ATXN2: variants seen among roughly 807,000 people sequenced by gnomAD.
The protein encoded by ATXN2 is ataxin 2.
Under a neutral mutation model 138.6 loss-of-function variants are expected in ATXN2, and 37 were observed. That is an observed-to-expected ratio of 0.27 (90% CI 0.21 to 0.35). The LOEUF (loss-of-function observed/expected upper bound fraction) is 0.35. Among genes scored for constraint, ATXN2 ranks in the 10% least tolerant of loss-of-function variants. The pLI, the probability that ATXN2 is intolerant of heterozygous loss-of-function variation, is 1.00. For missense variants in ATXN2, 1,216 were observed against 1,480.3 expected (o/e 0.82, Z 2.93); for synonymous variants, 549 against 543.7 (o/e 1.01, Z -0.13).
At chr12:111,571,782 C>T (rs1883328212) in intron 1 of ATXN2, among the ~76,000 whole-genome samples, 1 of 151,992 alleles carries the variant, frequency 6.6e-6, no homozygotes, top group Non-Finnish European at 1.5e-5. Flanking sequence ...CTTTGGGAGG[C>T]AGAGGTGGGC....
At chr12:111,509,748 G>T (rs1879392252) in intron 13 of ATXN2, 129 bp from the exon 14 acceptor site, 1 of 953,760 alleles carries the variant, frequency 1.0e-6, no homozygotes, top group Non-Finnish European at 1.6e-6. Context: ...ATTAAATTTG[G>T]ATTTTGGAAT....
intron 1 of ATXN2, chr12:111,581,505 C>A: frequency 1.9e-6 from 2 of 1,029,516 alleles, no homozygotes; most frequent in Non-Finnish European, 3.1e-6. Context: ...CCCCCAATGT[C>A]CACCGTGATC....
chr12:111,547,686 T>C (rs1221498943), intron 5 of ATXN2, among the ~76,000 whole-genome samples: 5 of 141,616 alleles, frequency 3.5e-5, no homozygotes, highest in South Asian at 2.2e-4. Context: ...GATTGCACCA[T>C]TGCACTCCAG....
intron 14 of ATXN2, among the ~76,000 whole-genome samples, chr12:111,490,409 G>A (rs960652414): frequency 2.6e-5 from 4 of 152,058 alleles, no homozygotes; most frequent in African/African-American, 9.7e-5. Context: ...GGACCGTCAT[G>A]GAGGCTGGAC....
intron 10 of ATXN2, among the ~76,000 whole-genome samples, chr12:111,514,880 T>C (rs1456286059): frequency 6.6e-6 from 1 of 152,214 alleles, no homozygotes; most frequent in African/African-American, 2.4e-5. Flanking sequence ...CATCTCTGAA[T>C]GACACAGAAA....
chr12:111,539,445 TAAAG>T (rs1419011644), intron 5 of ATXN2, among the ~76,000 whole-genome samples: 1 of 149,950 alleles, frequency 6.7e-6, no homozygotes, highest in Non-Finnish European at 1.5e-5. Flanking sequence ...GCTCAGAAGT[TAAAG>T]AGAAAGAAAA....
chr12:111,594,015 T>C (rs1197373565), intron 1 of ATXN2, among the ~76,000 whole-genome samples: 1 of 152,216 alleles, frequency 6.6e-6, no homozygotes, highest in African/African-American at 2.4e-5. Context: ...CCATTTAAAA[T>C]TGTAACTCAT....
chr12:111,510,091 A>G (rs1879413628), intron 12 of ATXN2, 93 bp from the exon 13 acceptor site: 2 of 951,082 alleles, frequency 2.1e-6, no homozygotes, highest in Non-Finnish European at 3.1e-6. Flanking sequence ...ATGTTTTTGG[A>G]AAATAATGCT....
intron 1 of ATXN2, among the ~76,000 whole-genome samples, chr12:111,561,731 G>A (rs1387292558): frequency 6.6e-6 from 1 of 152,092 alleles, no homozygotes; most frequent in Admixed American, 6.5e-5. Flanking sequence ...CTACTTGGGA[G>A]GCTGAGGCAC....
intron 1 of ATXN2, among the ~76,000 whole-genome samples, chr12:111,566,638 CTTTTTT>C (rs908579279): frequency 2.9e-4 from 39 of 136,208 alleles, no homozygotes; most frequent in African/African-American, 9.9e-4. Flanking sequence ...AATTGCTTTT[CTTTTTT>C]TTTTTTTTTA....
intron 1 of ATXN2, among the ~76,000 whole-genome samples, chr12:111,583,355 G>C (rs1884121191): frequency 6.6e-6 from 1 of 152,050 alleles, no homozygotes; most frequent in Non-Finnish European, 1.5e-5. Context: ...TGAGTAACTT[G>C]CCCATTCAAA....
At chr12:111,459,927 G>A (rs1196655540) in intron 21 of ATXN2, among the ~76,000 whole-genome samples, 7 of 152,046 alleles carry the variant, frequency 4.6e-5, no homozygotes, top group African/African-American at 7.3e-5. Flanking sequence ...ATGTTGGCCA[G>A]GCTGGTCTCA....
chr12:111,500,728 C>T (rs1380354317), intron 14 of ATXN2, among the ~76,000 whole-genome samples: 1 of 152,134 alleles, frequency 6.6e-6, no homozygotes, highest in Non-Finnish European at 1.5e-5. Flanking sequence ...CAAAAATTAG[C>T]TGGGCGTGGT....
rs1287092526 is a variant in ATXN2 at position 111,485,715 on chromosome 12, G to C, written c.2455C>G (p.Gln819Glu). The change falls in exon 17 of 25, where the codon CAA (glutamine) becomes GAA (glutamate). Residue 819 changes from glutamine to glutamate, a missense_variant and splice_region_variant. Physicochemically the swap from Gln to Glu is conservative, Grantham distance 29. This residue lies in a region of ATXN2 where 490 missense variants were observed against 653.5 expected (regional missense o/e 0.75). Transcript: ENST00000673436. The part of the protein sequence containing the change: ...MYPVPVSPGV[Q>E]PLYPIPMTPM... The stretch of plus-strand genomic sequence containing the variant: ...GAACATCAAATTCTATGACTTACTT[G>C]CACGCCTGGGCTCACTGGGACTGGA... The C allele has an allele frequency of 2.5e-6, 4 of 1,613,590 alleles. No homozygotes were observed. The African/African-American group carries it at 4.0e-5, about 16-fold the overall frequency.
chr12:111,470,447 A>G, intron 19 of ATXN2, 111 bp downstream of exon 19: 1 of 1,290,104 alleles, frequency 7.8e-7, no homozygotes, highest in Admixed American at 2.2e-5. Flanking sequence ...GTCCTTAGCT[A>G]TCTACCCTAC....
intron 16 of ATXN2, 130 bp downstream of exon 16, chr12:111,486,631 T>C (rs1285671756): frequency 2.0e-5 from 14 of 691,124 alleles, no homozygotes; most frequent in Non-Finnish European, 3.2e-5. Context: ...AATGGCCATG[T>C]AAAAAAAAGA....
At position 111,552,763 on chromosome 12, in the gene ATXN2, G is replaced by A; in HGVS notation, c.420+143C>T. On this transcript the variant is annotated intron_variant, in intron 4 of 24. Coordinates refer to ENST00000673436, the MANE Select transcript of ATXN2 (RefSeq NM_001372574.1). This position sits in a 1 kb window ranked among gnomAD's most constrained non-coding sequence, Gnocchi z 4.1. ...AGCACACACATCAAGAAGCCTCTCT[G>A]ATTACACAAACCAGTCTATAAAATA... The A allele has an allele frequency of 3.3e-6, 2 of 608,764 alleles. No homozygotes were observed. Among genetic ancestry groups the A allele is most frequent in the South Asian group, 2.3e-5 (1 of 42,948 alleles). 37.7% of individuals were successfully genotyped at this position (608,764 alleles called of 1,614,324 possible).
chr12:111,453,907 T>G lies in ATXN2; in HGVS notation c.3271-62A>C. 1 of 1,518,312 alleles carries G rather than the reference T, an allele frequency of 6.6e-7. No individual in the cohort carries two copies. Among genetic ancestry groups the G allele is most frequent in the East Asian group, 2.3e-5 (1 of 43,114 alleles). 94.1% of individuals were successfully genotyped at this position (1,518,312 alleles called of 1,614,324 possible). A position where few individuals can be genotyped will look rare whatever the true frequency, so the allele number is the denominator to read the frequency against. On this transcript the variant is annotated intron_variant, in intron 23 of 24. Transcript: ENST00000673436. This position sits in a 1 kb window ranked among gnomAD's most constrained non-coding sequence, Gnocchi z 5.4. ...TCTCCGGCTTCAACAACATGTCAAC[T>G]GTGTTCCTTTCACTGGGCTGGGACT...
At chr12:111,583,307 C>T (rs1884118635) in intron 1 of ATXN2, among the ~76,000 whole-genome samples, 1 of 152,094 alleles carries the variant, frequency 6.6e-6, no homozygotes, top group African/African-American at 2.4e-5. Flanking sequence ...GATATTCTTT[C>T]TCTTTTAATA....
Sources: gnomAD v4.1 joint callset for allele counts (sites outside exome capture counted in the v4.1 genomes callset) on GRCh38, gnomAD v4.1.1 for gene constraint, gnomAD v4.1.1 regional missense constraint, Gnocchi (gnomAD v3.1) non-coding constraint, MANE v1.5 for transcripts, NCBI Gene and HGNC (gene_info 2026-07-23, HGNC 2026-07-21) for gene names.